NEK10: variants seen among roughly 807,000 people sequenced by gnomAD.
NEK10 encodes NIMA related kinase 10.
Under a neutral mutation model 159.8 loss-of-function variants are expected in NEK10, and 122 were observed. The ratio of observed to expected loss-of-function variants is 0.76; its 90% CI spans 0.66 to 0.89. The LOEUF (loss-of-function observed/expected upper bound fraction) is 0.89. Among genes scored for constraint, NEK10 ranks in the 40% least tolerant of loss-of-function variants. The pLI is 0.00. For synonymous variants in NEK10, 466 were observed against 457.1 expected (o/e 1.02, Z -0.25); for missense variants, 1,342 against 1,323.1 (o/e 1.01, Z -0.22).
intron 12 of NEK10, among the ~76,000 whole-genome samples, chr3:27,304,102 ATTCTCCG>A (rs1159878782): frequency 2.6e-5 from 4 of 152,204 alleles, no homozygotes; most frequent in Non-Finnish European, 5.9e-5. Context: ...AAAACTATCC[ATTCTCCG>A]TGCTCCTGAC....
intron 20 of NEK10, among the ~76,000 whole-genome samples, chr3:27,286,385 C>CA: frequency 6.8e-6 from 1 of 147,484 alleles, no homozygotes; most frequent in Admixed American, 6.8e-5. Flanking sequence ...CGCGCCCAGC[C>CA]TTTTTTTTTC....
intron 9 of NEK10, chr3:27,310,729 A>G: frequency 2.4e-6 from 1 of 414,370 alleles, no homozygotes; most frequent in Non-Finnish European, 4.2e-6. Context: ...TAGGAAAAAA[A>G]AGAAAAGAGT....
intron 23 of NEK10, among the ~76,000 whole-genome samples, chr3:27,207,736 C>T (rs192248254): frequency 8.5e-5 from 13 of 152,094 alleles, no homozygotes; most frequent in East Asian, 7.7e-4. Flanking sequence ...CTTCATCTCC[C>T]GGGAGTACCT....
chr3:27,290,114 T>C (rs998947712), intron 19 of NEK10, among the ~76,000 whole-genome samples: 2 of 152,238 alleles, frequency 1.3e-5, no homozygotes, highest in Admixed American at 6.5e-5. Context: ...CAAACTTTCA[T>C]AATGAGAGTT....
intron 23 of NEK10, among the ~76,000 whole-genome samples, chr3:27,246,831 T>G (rs1955118475): frequency 6.6e-6 from 1 of 152,318 alleles, no homozygotes; most frequent in Non-Finnish European, 1.5e-5. Flanking sequence ...TCGGTTAAGT[T>G]AATTCCTAGG....
chr3:27,313,191 G>T (rs191067583), intron 7 of NEK10, among the ~76,000 whole-genome samples: 1 of 151,846 alleles, frequency 6.6e-6, no homozygotes, highest in Admixed American at 6.5e-5. Flanking sequence ...CTTGAACTTG[G>T]GAGGCAGAGG....
rs758398137 is a variant in NEK10, at chr3:27,162,537, T to A, written c.2869+164A>T. ...ACCCTGTCACTAACTCAGCCTCTAT[T>A]TCCTTAATGTGGGCCCTGAGCATGT... is the stretch of plus-strand genomic sequence containing the variant. On this transcript the variant is annotated intron_variant, in intron 30 of 35. Transcript: ENST00000691995. The A allele has an allele frequency of 1.5e-5, 24 of 1,614,036 alleles. No individual in the cohort carries two copies. The South Asian group carries it at 2.3e-4, about 16-fold the overall frequency.
chr3:27,259,112 A>G (rs192528938), intron 22 of NEK10, among the ~76,000 whole-genome samples: 1 of 151,190 alleles, frequency 6.6e-6, no homozygotes, highest in African/African-American at 2.4e-5. Context: ...TAGATTCTGG[A>G]TATTAGCCCT....
At chr3:27,138,195 G>A (rs758947971) in intron 31 of NEK10, among the ~76,000 whole-genome samples, 4 of 152,116 alleles carry the variant, frequency 2.6e-5, no homozygotes, top group Non-Finnish European at 4.4e-5. Flanking sequence ...TCTGCAGGTC[G>A]CTCCCCAGAG....
chr3:27,115,447 T>C (rs964536569), intron 35 of NEK10, among the ~76,000 whole-genome samples: 1 of 152,176 alleles, frequency 6.6e-6, no homozygotes, highest in Non-Finnish European at 1.5e-5. Flanking sequence ...GGTTTTTTAT[T>C]TAGGGTAAAC....
At chr3:27,157,455 G>T in intron 30 of NEK10, among the ~76,000 whole-genome samples, 1 of 152,124 alleles carries the variant, frequency 6.6e-6, no homozygotes, top group Non-Finnish European at 1.5e-5. Flanking sequence ...AGTAGAAATA[G>T]CAAGAGAACT....
chr3:27,215,674 T>G, intron 23 of NEK10: 1 of 628,518 alleles, frequency 1.6e-6, no homozygotes, highest in Non-Finnish European at 2.9e-6. Context: ...CTTGCACTAC[T>G]ACAAAGAAAT....
chr3:27,117,476 C>G (rs1398803392), intron 33 of NEK10, among the ~76,000 whole-genome samples: 2 of 152,176 alleles, frequency 1.3e-5, no homozygotes, highest in African/African-American at 4.8e-5. Context: ...TCTCCACAGC[C>G]TTGCCAACAT....
chr3:27,122,187 A>C (rs2125456280), intron 32 of NEK10, among the ~76,000 whole-genome samples: 1 of 152,148 alleles, frequency 6.6e-6, no homozygotes, highest in African/African-American at 2.4e-5. Context: ...AGATCTCACG[A>C]GATCTGATGG....
intron 23 of NEK10, among the ~76,000 whole-genome samples, chr3:27,230,274 T>G (rs1575363295): frequency 1.3e-5 from 2 of 152,114 alleles, no homozygotes; most frequent in Middle Eastern, 6.8e-3. Flanking sequence ...AGAACTAAGC[T>G]TCATAAATAA....
chr3:27,181,111 T>G (rs1396347594), intron 26 of NEK10, among the ~76,000 whole-genome samples: 3 of 152,080 alleles, frequency 2.0e-5, no homozygotes, highest in African/African-American at 4.8e-5. Flanking sequence ...GTTATCCCTT[T>G]AATGTACAGT....
intron 23 of NEK10, among the ~76,000 whole-genome samples, chr3:27,254,011 A>T (rs1955923147): frequency 1.3e-5 from 2 of 152,154 alleles, no homozygotes; most frequent in South Asian, 2.1e-4. Flanking sequence ...GCCCTCAGTC[A>T]GATGCTGAGG....
rs1233608879 is a variant in NEK10 at position 27,174,686 on chromosome 3, A to T, written c.2653T>A (p.Ser885Thr). The T allele has an allele frequency of 6.2e-7, 1 of 1,613,090 alleles. No homozygotes were observed. The highest frequency in any genetic ancestry group is 2.2e-5 in the East Asian group (1 of 44,876). ...DEDRACDEIL[S>T]DDNFNLENAE... Reference sequence around the variant, plus strand: ...TTTTCCAGGTTGAAGTTATCATCTGACAGGATTTCGTCACAGGCCCTGTCT... The same window carrying T: ...TTTTCCAGGTTGAAGTTATCATCTGTCAGGATTTCGTCACAGGCCCTGTCT... The change falls in exon 27 of 36, where the codon TCA becomes ACA. Residue 885 changes from serine to threonine, a missense_variant. Transcript: ENST00000691995.
In NEK10 at chr3:27,218,091, T is replaced by G. The variant is rs192724318; in HGVS notation, c.2091-15534A>C. Among the ~76,000 whole-genome samples the G allele has an allele frequency of 2.4e-3, 363 of 152,300 alleles. 2 individuals are homozygous for G. The highest frequency in any genetic ancestry group is 8.0e-3 in the African/African-American group (333 of 41,568). ...CAGTTGACCTGATCACTGAGATAGC[T>G]AAGTGACTACTGTGTAGATAGAGCA... is the stretch of plus-strand genomic sequence containing the variant. On this transcript the variant is annotated intron_variant, in intron 23 of 35. Coordinates refer to ENST00000691995, the MANE Select transcript of NEK10 (RefSeq NM_001394966.1).
Sources: allele counts gnomAD v4.1 joint callset (sites outside exome capture counted in the v4.1 genomes callset), GRCh38; gene constraint gnomAD v4.1.1; transcripts MANE v1.5; gene names NCBI Gene and HGNC (gene_info 2026-07-23, HGNC 2026-07-21).